The following CDC42SE2 variants were observed in gnomAD, a reference collection of about 807,000 sequenced individuals.
CDC42SE2 encodes the protein CDC42 small effector protein 2.
A neutral mutation model predicts 11.5 loss-of-function variants in CDC42SE2; 3 were observed. The observed-to-expected ratio is 0.26, with a 90% CI of 0.12 to 0.67. CDC42SE2 has a LOEUF of 0.67. Ranked by LOEUF, CDC42SE2 falls within the 30% of genes least tolerant of loss-of-function variation. CDC42SE2 has a pLI of 0.80. For missense variants in CDC42SE2, 82 were observed against 106.8 expected, an observed-to-expected ratio of 0.77 and a Z score of 1.02; for synonymous variants, 33 against 34.8, an observed-to-expected ratio of 0.95 and a Z score of 0.18.
At chr5:131,368,958 T>A (rs1019378022) in intron 3 of CDC42SE2, among the ~76,000 whole-genome samples, 8 of 152,232 alleles carry the variant, frequency 5.3e-5, no homozygotes, top group African/African-American at 1.9e-4. Flanking sequence ...AAATATATTA[T>A]GAAGCACATA....
At chr5:131,352,575 AC>A (rs1198895412) in intron 2 of CDC42SE2, among the ~76,000 whole-genome samples, 2 of 152,200 alleles carry the variant, frequency 1.3e-5, no homozygotes, top group Non-Finnish European at 1.5e-5. Context: ...GTCTTTTATA[AC>A]TGAGTTCAGG....
intron 1 of CDC42SE2, among the ~76,000 whole-genome samples, chr5:131,315,451 T>G (rs763785521): frequency 6.6e-6 from 1 of 152,132 alleles, no homozygotes; most frequent in African/African-American, 2.4e-5. Flanking sequence ...GTCTGCAGGG[T>G]ACAGACAAGT....
intron 2 of CDC42SE2, among the ~76,000 whole-genome samples, chr5:131,350,984 C>T (rs913168846): frequency 2.0e-5 from 3 of 152,004 alleles, no homozygotes; most frequent in Admixed American, 6.6e-5. Context: ...CTCACTCTGT[C>T]GCTCAGGCTG....
rs1333864798 is a variant in CDC42SE2, at chr5:131,390,983, CTT to C, written c.157-9_157-8del. On this transcript the variant is annotated splice_region_variant and splice_polypyrimidine_tract_variant and intron_variant, in intron 4 of 4. Transcript: ENST00000505065. ...CCATTTTGTTTTGTTGTATTTTTGT[CTT>C]GTTTTAGGTTAGCTCCATTCAGAAC... 2 of 1,594,904 alleles carry C rather than the reference CTT, an allele frequency of 1.3e-6. No individual in the cohort carries two copies. Among genetic ancestry groups the C allele is most frequent in the East Asian group, 2.3e-5 (1 of 44,346 alleles).
chr5:131,306,782 G>C (rs957067930), intron 1 of CDC42SE2, among the ~76,000 whole-genome samples: 1 of 151,960 alleles, frequency 6.6e-6, no homozygotes, highest in Admixed American at 6.6e-5. Flanking sequence ...GTGTTTTATA[G>C]TTTTCAGCCT....
chr5:131,270,057 TCAAAAAAA>T lies in CDC42SE2; in HGVS notation c.-455+5904_-455+5911del, dbSNP rs549772564. Among the ~76,000 whole-genome samples, 59 of 147,312 alleles carry T rather than the reference TCAAAAAAA, an allele frequency of 4.0e-4. 2 individuals are homozygous for T. Among genetic ancestry groups the T allele is most frequent in the Middle Eastern group, 7.3e-3 (2 of 274 alleles). On this transcript the variant is annotated intron_variant, in intron 1 of 4. Transcript: ENST00000505065. Reference sequence around the variant, plus strand: ...GCCTGGGCGATGGAGCAAGAGTATCTCAAAAAAACAAAAAAACAAACAAAAAAAAACAA... The same window carrying T: ...GCCTGGGCGATGGAGCAAGAGTATCTCAAAAAAACAAACAAAAAAAAACAA...
chr5:131,269,706 G>T (rs1281333011), intron 1 of CDC42SE2, among the ~76,000 whole-genome samples: 2 of 152,030 alleles, frequency 1.3e-5, no homozygotes, highest in Non-Finnish European at 2.9e-5. Context: ...AGAGGCTGCA[G>T]TGAGCCGAGA....
intron 1 of CDC42SE2, among the ~76,000 whole-genome samples, chr5:131,314,096 T>C (rs1232292360): frequency 6.6e-6 from 1 of 152,198 alleles, no homozygotes; most frequent in South Asian, 2.1e-4. Flanking sequence ...TTGGGGAGAA[T>C]TGACATGTTA....
intron 1 of CDC42SE2, among the ~76,000 whole-genome samples, chr5:131,275,363 C>G (rs537222326): frequency 6.8e-6 from 1 of 147,044 alleles, no homozygotes; most frequent in Non-Finnish European, 1.5e-5. Flanking sequence ...GTGGTGTGAT[C>G]TCGGCTCACT....
intron 1 of CDC42SE2, among the ~76,000 whole-genome samples, chr5:131,273,295 A>G (rs1256712129): frequency 2.0e-5 from 3 of 149,218 alleles, no homozygotes; most frequent in Non-Finnish European, 4.5e-5. Context: ...ACCTGGGACT[A>G]CAGGCGCCCA....
chr5:131,276,281 C>CAAAAAAAAA (rs59001427), intron 1 of CDC42SE2, among the ~76,000 whole-genome samples: 1 of 126,146 alleles, frequency 7.9e-6, no homozygotes. Context: ...ACCCCATCTA[C>CAAAAAAAAA]AAAAAAAAAA....
chr5:131,353,827 G>A (rs938906384), intron 2 of CDC42SE2, among the ~76,000 whole-genome samples: 4 of 151,936 alleles, frequency 2.6e-5, no homozygotes, highest in Non-Finnish European at 5.9e-5. Context: ...CATGAGAATT[G>A]TTTGAACCTG....
chr5:131,375,345 A>G (rs1379066027), intron 3 of CDC42SE2, among the ~76,000 whole-genome samples: 1 of 152,264 alleles, frequency 6.6e-6, no homozygotes, highest in Non-Finnish European at 1.5e-5. Flanking sequence ...CCTAAAGGAC[A>G]GATACCGACA....
chr5:131,248,127 C>A (rs1756610834), intron 1 of CDC42SE2, among the ~76,000 whole-genome samples: 1 of 151,432 alleles, frequency 6.6e-6, no homozygotes, highest in South Asian at 2.1e-4. Flanking sequence ...TAAAAGCATT[C>A]CTTTTTTTTA....
intron 2 of CDC42SE2, among the ~76,000 whole-genome samples, chr5:131,332,435 C>T (rs1216873703): frequency 2.6e-5 from 4 of 152,188 alleles, no homozygotes; most frequent in Non-Finnish European, 2.9e-5. Flanking sequence ...CATACATGTG[C>T]ATGTGCCTTT....
At position 131,247,677 on chromosome 5, in the gene CDC42SE2, TCTCA is replaced by T. The variant is rs553786813; in HGVS notation, n.107+2083_107+2086del. Among the ~76,000 whole-genome samples the T allele has an allele frequency of 2.0e-3, 298 of 152,266 alleles. 1 individual carries two copies. Among genetic ancestry groups the T allele is most frequent in the African/African-American group, 6.9e-3 (287 of 41,548 alleles). Reference sequence around the variant, plus strand: ...TTTATTTGTATAGATAGAGTTTCACTCTCACTCAGGCTGGAGTGCAGTGGCGGGA... The same window carrying T: ...TTTATTTGTATAGATAGAGTTTCACTCTCAGGCTGGAGTGCAGTGGCGGGA... On this transcript the variant is annotated intron_variant and non_coding_transcript_variant, in intron 1 of 3. Coordinates refer to the CDC42SE2 transcript ENST00000502840.
chr5:131,257,513 T>C (rs1427537049), intron 2 of CDC42SE2, among the ~76,000 whole-genome samples: 1 of 151,372 alleles, frequency 6.6e-6, no homozygotes, highest in African/African-American at 2.4e-5. Context: ...AGTCTTGCTC[T>C]GTCACCCAGG....
At chr5:131,337,574 C>G (rs905143272) in intron 2 of CDC42SE2, among the ~76,000 whole-genome samples, 1 of 152,254 alleles carries the variant, frequency 6.6e-6, no homozygotes, top group Non-Finnish European at 1.5e-5. Context: ...GAGGTGGAGT[C>G]TACAGAGGCA....
chr5:131,326,322 C>G (rs1472755642), intron 2 of CDC42SE2, among the ~76,000 whole-genome samples: 3 of 152,118 alleles, frequency 2.0e-5, no homozygotes, highest in Non-Finnish European at 4.4e-5. Flanking sequence ...CCAGGATGGT[C>G]TCGATCTCCT....
Sources: gnomAD v4.1 joint callset for allele counts (sites outside exome capture counted in the v4.1 genomes callset) on GRCh38, gnomAD v4.1.1 for gene constraint, MANE v1.5 for transcripts, NCBI Gene and HGNC (gene_info 2026-07-23, HGNC 2026-07-21) for gene names.